The following MRPL48 variants were observed in gnomAD, a reference collection of about 807,000 sequenced individuals.
The protein encoded by MRPL48 is mitochondrial ribosomal protein L48, also known as large ribosomal subunit protein mL48.
In MRPL48, 16 loss-of-function variants were observed where a neutral mutation model predicts 32.9. That is an observed-to-expected ratio of 0.49 (90% CI 0.33 to 0.74). MRPL48 has a LOEUF of 0.74. MRPL48 is among the 30% of genes least tolerant of loss of function. The pLI is 0.02. For synonymous variants in MRPL48, 94 were observed against 89.2 expected (o/e 1.05, Z -0.31); for missense variants, 206 against 245.3 (o/e 0.84, Z 1.07).
At chr11:73,815,623 A>G (rs1368290096) in intron 3 of MRPL48, among the ~76,000 whole-genome samples, 1 of 151,686 alleles carries the variant, frequency 6.6e-6, no homozygotes, top group African/African-American at 2.4e-5. Context: ...CAAAGTGCTG[A>G]GATTACATGT....
rs1259844396 is a variant in MRPL48, at chr11:73,834,585, G to A, written c.201+8789G>A. Reference sequence around the variant, plus strand: ...GTCTCGCTCTGTCACCCAGGCTGGAGTGCAGCGGCGCGATCTCGGCTCACT... The same window carrying A: ...GTCTCGCTCTGTCACCCAGGCTGGAATGCAGCGGCGCGATCTCGGCTCACT... On this transcript the variant is annotated intron_variant, in intron 4 of 7. Transcript: ENST00000310614. 2.0e-5 allele frequency among the ~76,000 whole-genome samples: 3 copies of A among 150,652 alleles called. No homozygotes were observed. In the East Asian group the frequency reaches 5.9e-4, roughly 30 times the overall value.
intron 1 of MRPL48, among the ~76,000 whole-genome samples, chr11:73,798,994 CA>C (rs113432463): frequency 2.4e-3 from 307 of 128,314 alleles, no homozygotes; most frequent in Admixed American, 4.2e-3. Flanking sequence ...CCCTCTCAAG[CA>C]AAAAAAAAAA....
intron 4 of MRPL48, among the ~76,000 whole-genome samples, chr11:73,827,808 A>G (rs1565098289): frequency 1.3e-5 from 2 of 152,240 alleles, no homozygotes; most frequent in South Asian, 4.1e-4. Context: ...GAACATTACC[A>G]CCTATCAGGC....
intron 3 of MRPL48, among the ~76,000 whole-genome samples, chr11:73,821,832 A>G (rs906859583): frequency 2.6e-5 from 4 of 151,924 alleles, no homozygotes; most frequent in Non-Finnish European, 4.4e-5. Flanking sequence ...ACACTGCACA[A>G]CTCTGGTGTG....
In MRPL48 at chr11:73,834,603, G is replaced by A. The variant is rs183914034; in HGVS notation, c.201+8807G>A. On this transcript the variant is annotated intron_variant, in intron 4 of 7. Transcript: ENST00000310614. The stretch of plus-strand genomic sequence containing the variant: ...GGCTGGAGTGCAGCGGCGCGATCTC[G>A]GCTCACTGCAACCTCCGCCTCCCGG... Among the ~76,000 whole-genome samples the A allele has an allele frequency of 1.2e-4, 18 of 149,254 alleles. No homozygotes were observed. In the East Asian group the frequency reaches 2.0e-3, roughly 16 times the overall value.
chr11:73,825,205 T>G (rs544762860), intron 3 of MRPL48, among the ~76,000 whole-genome samples: 2 of 152,272 alleles, frequency 1.3e-5, no homozygotes, highest in African/African-American at 2.4e-5. Context: ...TAATATTTGA[T>G]TTCTAGATTT....
intron 2 of MRPL48, among the ~76,000 whole-genome samples, chr11:73,807,996 C>T (rs1040684640): frequency 4.6e-5 from 7 of 152,144 alleles, no homozygotes; most frequent in African/African-American, 1.7e-4. Flanking sequence ...GTAGGAGTGA[C>T]CATACTTTCC....
At chr11:73,822,447 TTTTA>T (rs1404582254) in intron 3 of MRPL48, among the ~76,000 whole-genome samples, 1 of 152,186 alleles carries the variant, frequency 6.6e-6, no homozygotes, top group Non-Finnish European at 1.5e-5. Flanking sequence ...AAGTAGCATA[TTTTA>T]TTTGTCTTTG....
intron 5 of MRPL48, among the ~76,000 whole-genome samples, chr11:73,857,158 C>G (rs1412373119): frequency 6.6e-6 from 1 of 151,632 alleles, no homozygotes; most frequent in Non-Finnish European, 1.5e-5. Context: ...TGAGACTGAG[C>G]CTTGCTCTGT....
At chr11:73,845,963 G>A (rs1000259462) in intron 5 of MRPL48, among the ~76,000 whole-genome samples, 1 of 150,728 alleles carries the variant, frequency 6.6e-6, no homozygotes. Flanking sequence ...AGCTACTTGC[G>A]AGGCTGAGGC....
chr11:73,853,335 T>C (rs1237651245), intron 5 of MRPL48, among the ~76,000 whole-genome samples: 4 of 152,110 alleles, frequency 2.6e-5, no homozygotes, highest in Admixed American at 1.3e-4. Context: ...TATGCCTGTA[T>C]CAAAATATCC....
chr11:73,857,026 C>T (rs1384252997), intron 5 of MRPL48, among the ~76,000 whole-genome samples: 5 of 152,298 alleles, frequency 3.3e-5, no homozygotes, highest in African/African-American at 9.6e-5. Flanking sequence ...CTTCTTGTCC[C>T]TATAGTATTC....
At chr11:73,799,780 T>C (rs1209223888) in intron 1 of MRPL48, among the ~76,000 whole-genome samples, 1 of 152,114 alleles carries the variant, frequency 6.6e-6, no homozygotes, top group Admixed American at 6.6e-5. Context: ...TAAATCTATA[T>C]AAAAGAAAAT....
intron 1 of MRPL48, among the ~76,000 whole-genome samples, chr11:73,801,031 A>G (rs1792187): frequency 0.51 from 77,929 of 151,652 alleles, 21,220 homozygotes; most frequent in African/African-American, 0.71. Flanking sequence ...GGCTGGTCTC[A>G]AACTCCGGAC....
intron 3 of MRPL48, among the ~76,000 whole-genome samples, chr11:73,824,364 C>T (rs907986777): frequency 9.2e-5 from 14 of 151,712 alleles, no homozygotes; most frequent in African/African-American, 2.7e-4. Context: ...CCGAGGTGGG[C>T]GAATCATGAG....
chr11:73,793,497 C>G (rs1340049324), intron 1 of MRPL48, among the ~76,000 whole-genome samples: 1 of 152,148 alleles, frequency 6.6e-6, no homozygotes, highest in Non-Finnish European at 1.5e-5. Context: ...TGAGCAGTCA[C>G]AAAAGTTTTC....
intron 3 of MRPL48, among the ~76,000 whole-genome samples, chr11:73,813,170 CTATT>C (rs1947599687): frequency 6.6e-6 from 1 of 151,120 alleles, no homozygotes; most frequent in South Asian, 2.1e-4. Flanking sequence ...AATGAATTGC[CTATT>C]TATTTACTTA....
At chr11:73,801,239 C>T (rs967421138) in intron 1 of MRPL48, among the ~76,000 whole-genome samples, 1 of 152,136 alleles carries the variant, frequency 6.6e-6, no homozygotes, top group African/African-American at 2.4e-5. Flanking sequence ...TCCAGTCCCT[C>T]TTCTATATGA....
At chr11:73,801,127 T>G (rs888798832) in intron 1 of MRPL48, among the ~76,000 whole-genome samples, 6 of 152,194 alleles carry the variant, frequency 3.9e-5, no homozygotes, top group Non-Finnish European at 7.3e-5. Context: ...TGTCAATTCT[T>G]AAGCCTGGCT....
Sources: allele counts gnomAD v4.1 joint callset (sites outside exome capture counted in the v4.1 genomes callset), GRCh38; gene constraint gnomAD v4.1.1; transcripts MANE v1.5; gene names NCBI Gene and HGNC (gene_info 2026-07-23, HGNC 2026-07-21).